COL4A2: variants seen among roughly 807,000 people sequenced by gnomAD.
The protein encoded by COL4A2 is collagen alpha-2(IV) chain.
Under a neutral mutation model 200.2 loss-of-function variants are expected in COL4A2, and 99 were observed. The observed-to-expected ratio is 0.49, with a 90% CI of 0.42 to 0.58. The LOEUF (loss-of-function observed/expected upper bound fraction) is 0.58. Ranked by LOEUF, COL4A2 falls within the 20% of genes least tolerant of loss-of-function variation. COL4A2 has a pLI of 0.00. For synonymous variants in COL4A2, 897 were observed against 900.6 expected (o/e 1.00, Z 0.07); for missense variants, 1,950 against 2,314.1 (o/e 0.84, Z 3.23).
chr13:110,369,748 C>G (rs1877921624), intron 4 of COL4A2, among the ~76,000 whole-genome samples: 1 of 152,138 alleles, frequency 6.6e-6, no homozygotes, highest in African/African-American at 2.4e-5. Flanking sequence ...TCAGATACCT[C>G]AATGATACTC....
rs542853497 is a variant in COL4A2, at chr13:110,439,080, C to T, written c.912+412C>T. Among the ~76,000 whole-genome samples the T allele has an allele frequency of 2.6e-5, 4 of 152,278 alleles. No individual in the cohort carries two copies. In the South Asian group the frequency reaches 8.3e-4, roughly 32 times the overall value. ...AGAGCCCAACAAAAATGTCCCTAGTCGTAAGGGTCGGGAAGGGGTCACCGT... is the reference window on the plus strand; with the variant it reads ...AGAGCCCAACAAAAATGTCCCTAGTTGTAAGGGTCGGGAAGGGGTCACCGT... On this transcript the variant is annotated intron_variant, in intron 15 of 47. Coordinates refer to ENST00000360467, the MANE Select transcript of COL4A2 (RefSeq NM_001846.4).
chr13:110,416,318 C>T (rs1479871460), intron 4 of COL4A2, among the ~76,000 whole-genome samples: 1 of 152,270 alleles, frequency 6.6e-6, no homozygotes, highest in African/African-American at 2.4e-5. Flanking sequence ...GCCCTTTCCT[C>T]AGGTGCAGTC....
intron 3 of COL4A2, among the ~76,000 whole-genome samples, chr13:110,344,662 A>G (rs1291742225): frequency 6.6e-6 from 1 of 152,146 alleles, no homozygotes; most frequent in Non-Finnish European, 1.5e-5. Flanking sequence ...GGGCCGCAGT[A>G]TTCTCTCTCT....
rs145640192 is a variant in COL4A2 at position 110,349,367 on chromosome 13, C to G, written c.100-8105C>G. On this transcript the variant is annotated intron_variant, in intron 3 of 47. Transcript: ENST00000360467. ...GGCAAAGGAGGGACTCTCCCTCTGC[C>G]TGGTGGCACAGGATCCTAGTGAAGG... 1.7e-3 allele frequency among the ~76,000 whole-genome samples: 254 copies of G among 152,282 alleles called. 2 individuals carry two copies. Among genetic ancestry groups the G allele is most frequent in the Middle Eastern group, 0.01 (3 of 294 alleles).
At chr13:110,443,666 C>CA (rs1276934571) in intron 16 of COL4A2, among the ~76,000 whole-genome samples, 15 of 152,180 alleles carry the variant, frequency 9.9e-5, no homozygotes, top group Admixed American at 5.9e-4. Flanking sequence ...ATCTGCATGT[C>CA]AGTCTCCTGA....
At chr13:110,349,642 A>C (rs1259881426) in intron 3 of COL4A2, among the ~76,000 whole-genome samples, 1 of 152,238 alleles carries the variant, frequency 6.6e-6, no homozygotes, top group Non-Finnish European at 1.5e-5. Flanking sequence ...TTTTCCTTAA[A>C]GGGTTCCATG....
intron 3 of COL4A2, among the ~76,000 whole-genome samples, chr13:110,330,705 G>A (rs955344047): frequency 3.9e-5 from 6 of 152,198 alleles, no homozygotes; most frequent in South Asian, 2.1e-4. Flanking sequence ...TTCCCAGGCT[G>A]TATCTACATG....
At chr13:110,374,356 C>T (rs1878146543) in intron 4 of COL4A2, among the ~76,000 whole-genome samples, 1 of 152,174 alleles carries the variant, frequency 6.6e-6, no homozygotes, top group Non-Finnish European at 1.5e-5. Flanking sequence ...ACTTAACTTT[C>T]CCTGAGGGGC....
intron 3 of COL4A2, among the ~76,000 whole-genome samples, chr13:110,344,482 G>C (rs1409594801): frequency 1.3e-5 from 2 of 152,164 alleles, no homozygotes; most frequent in African/African-American, 4.8e-5. Flanking sequence ...TAGGTAATTG[G>C]AACAGAAGAG....
intron 3 of COL4A2, among the ~76,000 whole-genome samples, chr13:110,337,311 T>C (rs1209678007): frequency 1.3e-5 from 2 of 152,202 alleles, no homozygotes; most frequent in East Asian, 1.9e-4. Flanking sequence ...CCCTGCTGTT[T>C]GGAATCATAA....
intron 4 of COL4A2, among the ~76,000 whole-genome samples, chr13:110,369,730 G>T (rs1384071007): frequency 6.6e-6 from 1 of 151,914 alleles, no homozygotes; most frequent in African/African-American, 2.4e-5. Flanking sequence ...TTACAAATAC[G>T]CACTAACTCA....
At chr13:110,500,328 G>T (rs1318621234) in intron 40 of COL4A2, among the ~76,000 whole-genome samples, 1 of 152,188 alleles carries the variant, frequency 6.6e-6, no homozygotes, top group East Asian at 1.9e-4. Flanking sequence ...CTGACATTTT[G>T]CAGGGTTCTA....
intron 3 of COL4A2, among the ~76,000 whole-genome samples, chr13:110,324,977 C>A (rs1348775134): frequency 1.3e-5 from 2 of 152,164 alleles, no homozygotes; most frequent in Non-Finnish European, 2.9e-5. Flanking sequence ...TGGGACTGAG[C>A]CTTCCAGGAT....
chr13:110,339,462 G>A (rs565162660), intron 3 of COL4A2, among the ~76,000 whole-genome samples: 50 of 152,262 alleles, frequency 3.3e-4, no homozygotes, highest in Non-Finnish European at 6.3e-4. Context: ...AAGCCTGGCC[G>A]GTCAGTCTCA....
intron 3 of COL4A2, among the ~76,000 whole-genome samples, chr13:110,313,476 G>A (rs1475803289): frequency 4.0e-5 from 6 of 151,876 alleles, no homozygotes; most frequent in Admixed American, 6.6e-5. Context: ...CCGGTGCCCC[G>A]CGTCCACCCG....
intron 13 of COL4A2, among the ~76,000 whole-genome samples, chr13:110,437,132 T>TTGGGTCCTGTGTCC (rs1002143998): frequency 6.6e-6 from 1 of 152,250 alleles, no homozygotes; most frequent in Admixed American, 6.5e-5. Flanking sequence ...AGGGTGGGGC[T>TTGGGTCCTGTGTCC]TGGGTCCTGT....
intron 4 of COL4A2, among the ~76,000 whole-genome samples, chr13:110,387,847 G>T (rs1001124907): frequency 6.6e-6 from 1 of 152,192 alleles, no homozygotes; most frequent in Non-Finnish European, 1.5e-5. Flanking sequence ...CCACCTCTGC[G>T]GAGCTCTGAC....
At chr13:110,387,010 C>T (rs9588151) in intron 4 of COL4A2, among the ~76,000 whole-genome samples, 52,221 of 151,862 alleles carry the variant, frequency 0.34, 9,114 homozygotes, top group East Asian at 0.49. Flanking sequence ...GAGGCCGAGG[C>T]GGGTGAATTA....
At chr13:110,451,158 A>C (rs1339223767) in intron 20 of COL4A2, among the ~76,000 whole-genome samples, 1 of 152,188 alleles carries the variant, frequency 6.6e-6, no homozygotes, top group East Asian at 1.9e-4. Context: ...ACTTGAGTTG[A>C]GAATGACCTG....
Sources: allele counts gnomAD v4.1 joint callset (sites outside exome capture counted in the v4.1 genomes callset), GRCh38; gene constraint gnomAD v4.1.1; transcripts MANE v1.5; gene names NCBI Gene and HGNC (gene_info 2026-07-23, HGNC 2026-07-21).